Variants in FTO observed in about 807,000 individuals in gnomAD.
FTO encodes the protein FTO alpha-ketoglutarate dependent dioxygenase.
FTO carries 47 observed loss-of-function variants against 63.9 expected under a neutral mutation model. That is an observed-to-expected ratio of 0.74 (90% CI 0.58 to 0.94). The LOEUF (loss-of-function observed/expected upper bound fraction) is 0.94, where lower values mean the gene tolerates loss of function less well. FTO is among the 40% of genes least tolerant of loss of function. The pLI is 0.00. For synonymous variants in FTO, 207 were observed against 224.4 expected, an observed-to-expected ratio of 0.92 and a Z score of 0.69; for missense variants, 562 against 618.1, an observed-to-expected ratio of 0.91 and a Z score of 0.96.
rs553566911 is a variant in FTO, at chr16:53,961,249, G to A, written c.1364+27140G>A. Among the ~76,000 whole-genome samples the A allele has an allele frequency of 2.6e-5, 4 of 152,040 alleles. No individual in the cohort carries two copies. The South Asian group carries it at 6.2e-4, about 24-fold the overall frequency. On this transcript the variant is annotated intron_variant, in intron 8 of 8. Transcript: ENST00000471389. ...TACAGCCCCCAGATAGAGTTATAGC[G>A]AGCAGACCAATTAAACTGTCGCAGG... is the stretch of plus-strand genomic sequence containing the variant.
At chr16:53,938,498 G>T (rs1838850059) in intron 8 of FTO, among the ~76,000 whole-genome samples, 1 of 152,224 alleles carries the variant, frequency 6.6e-6, no homozygotes, top group South Asian at 2.1e-4. Flanking sequence ...GAGATGAGTG[G>T]CACATGCCAT....
intron 8 of FTO, among the ~76,000 whole-genome samples, chr16:54,104,083 A>G (rs2086695167): frequency 1.3e-5 from 2 of 152,168 alleles, no homozygotes; most frequent in East Asian, 1.9e-4. Flanking sequence ...ATCACTCTGT[A>G]TGGCAAGACA....
chr16:53,889,626 G>C (rs1331981548), intron 7 of FTO, among the ~76,000 whole-genome samples: 2 of 152,176 alleles, frequency 1.3e-5, no homozygotes, highest in African/African-American at 4.8e-5. Flanking sequence ...TGAAATGGCA[G>C]ATGTGGTTTT....
At chr16:54,051,796 T>C (rs2085319166) in intron 8 of FTO, among the ~76,000 whole-genome samples, 1 of 152,240 alleles carries the variant, frequency 6.6e-6, no homozygotes, top group African/African-American at 2.4e-5. Context: ...TGCCCTTGGC[T>C]AGGAAACAAA....
intron 8 of FTO, among the ~76,000 whole-genome samples, chr16:54,037,034 G>A (rs1231910048): frequency 2.0e-5 from 3 of 152,090 alleles, no homozygotes; most frequent in African/African-American, 4.8e-5. Context: ...TGTATCTTTG[G>A]GCCACGTGAC....
At chr16:53,940,594 ATAGCT>A (rs2082505396) in intron 8 of FTO, among the ~76,000 whole-genome samples, 1 of 152,184 alleles carries the variant, frequency 6.6e-6, no homozygotes, top group African/African-American at 2.4e-5. Flanking sequence ...CGGTACCTTT[ATAGCT>A]CTTTAGCTTT....
intron 8 of FTO, among the ~76,000 whole-genome samples, chr16:54,015,225 C>T (rs1201029788): frequency 6.6e-6 from 1 of 152,106 alleles, no homozygotes; most frequent in East Asian, 1.9e-4. Context: ...TTAAACTGGA[C>T]ATTGTCAGCT....
intron 1 of FTO, among the ~76,000 whole-genome samples, chr16:53,797,016 T>C (rs1332050233): frequency 6.6e-6 from 1 of 152,214 alleles, no homozygotes; most frequent in East Asian, 1.9e-4. Flanking sequence ...TCTCGAATTT[T>C]GCATAAATGG....
chr16:53,933,744 C>A (rs1012856563), intron 7 of FTO, among the ~76,000 whole-genome samples: 2 of 152,054 alleles, frequency 1.3e-5, no homozygotes, highest in East Asian at 3.8e-4. Context: ...AGTAAGAATG[C>A]GCAGTATCTT....
At chr16:53,729,717 T>G (rs2076231801) in intron 1 of FTO, among the ~76,000 whole-genome samples, 1 of 151,782 alleles carries the variant, frequency 6.6e-6, no homozygotes, top group Non-Finnish European at 1.5e-5. Flanking sequence ...TGGAAAGTGG[T>G]GACCCCTGAA....
At chr16:54,007,038 ATGAAATAAAAAGGTATTTT>A (rs1345497846) in intron 8 of FTO, among the ~76,000 whole-genome samples, 25 of 152,226 alleles carry the variant, frequency 1.6e-4, no homozygotes, top group Non-Finnish European at 1.5e-5. Context: ...TCCTGATCAA[ATGAAATAAAAAGGTATTTT>A]AAAAATAATT....
intron 1 of FTO, among the ~76,000 whole-genome samples, chr16:53,763,340 A>C (rs577086652): frequency 4.6e-5 from 7 of 152,366 alleles, no homozygotes; most frequent in Non-Finnish European, 8.8e-5. Context: ...ATAAAGGTTG[A>C]CAATGATGTG....
intron 8 of FTO, among the ~76,000 whole-genome samples, chr16:53,949,552 A>G (rs958954355): frequency 6.6e-6 from 1 of 152,206 alleles, no homozygotes; most frequent in African/African-American, 2.4e-5. Context: ...AACTGTACCA[A>G]AGGAACCATT....
intron 8 of FTO, among the ~76,000 whole-genome samples, chr16:54,042,123 A>T (rs28571675): frequency 0.44 from 66,866 of 151,698 alleles, 17,233 homozygotes; most frequent in African/African-American, 0.71. Context: ...CCGAATAGGA[A>T]CAGCTCCGGT....
At chr16:53,995,620 C>T (rs1459817231) in intron 8 of FTO, among the ~76,000 whole-genome samples, 2 of 152,202 alleles carry the variant, frequency 1.3e-5, no homozygotes, top group African/African-American at 4.8e-5. Context: ...TAAAATGAAA[C>T]ATGATGCCAT....
chr16:53,796,051 T>TTC (rs201399553), intron 1 of FTO, among the ~76,000 whole-genome samples: 42,843 of 136,676 alleles, frequency 0.31, 7,096 homozygotes, highest in Non-Finnish European at 0.4. Flanking sequence ...CTTTCTTTCT[T>TTC]TTTTTTTTTT....
chr16:53,870,185 A>G (rs983651097), intron 4 of FTO, among the ~76,000 whole-genome samples: 6 of 152,162 alleles, frequency 3.9e-5, no homozygotes, highest in African/African-American at 1.4e-4. Flanking sequence ...TCCAGCCTGG[A>G]TGACAAGTGA....
intron 1 of FTO, among the ~76,000 whole-genome samples, chr16:53,802,523 G>A (rs939536971): frequency 9.9e-5 from 15 of 152,164 alleles, no homozygotes; most frequent in African/African-American, 2.2e-4. Context: ...ATTATGTTGC[G>A]TTTTAGTGTT....
chr16:53,897,563 T>C (rs1163180036), intron 7 of FTO, among the ~76,000 whole-genome samples: 1 of 152,250 alleles, frequency 6.6e-6, no homozygotes, highest in Non-Finnish European at 1.5e-5. Flanking sequence ...TCAGATGTTC[T>C]TTAACAGATG....
Sources: gnomAD v4.1 joint callset for allele counts (sites outside exome capture counted in the v4.1 genomes callset) on GRCh38, gnomAD v4.1.1 for gene constraint, MANE v1.5 for transcripts, NCBI Gene and HGNC (gene_info 2026-07-23, HGNC 2026-07-21) for gene names.